SLC25A53: variants seen among roughly 807,000 people sequenced by gnomAD.
The protein encoded by SLC25A53 is solute carrier family 25 member 53, also known as mitochondrial carrier triple repeat protein 6.
A neutral mutation model predicts 15.0 loss-of-function variants in SLC25A53; 5 were observed. The ratio of observed to expected loss-of-function variants is 0.33; its 90% CI spans 0.17 to 0.70. The LOEUF (loss-of-function observed/expected upper bound fraction) is 0.70. Ranked by LOEUF, SLC25A53 falls within the 30% of genes least tolerant of loss-of-function variation. The pLI, the probability that SLC25A53 is intolerant of heterozygous loss-of-function variation, is 0.67. For missense variants in SLC25A53, 216 were observed against 241.6 expected (o/e 0.89, Z 0.70); for synonymous variants, 95 against 100.0 (o/e 0.95, Z 0.30).
chrX:104,104,034 T>C lies in SLC25A53; in HGVS notation c.*300A>G, dbSNP rs2075293265. Reference sequence around the variant, plus strand: ...GTCATCTTTTTAAGTTTCTGTTTATTGCCAAGGAATTCCTTAAAGGAATGA... The same window carrying C: ...GTCATCTTTTTAAGTTTCTGTTTATCGCCAAGGAATTCCTTAAAGGAATGA... On this transcript the variant is annotated 3_prime_UTR_variant, in exon 2 of 2. Transcript: ENST00000594199. 1 of 254,521 alleles carries C rather than the reference T, an allele frequency of 3.9e-6. No individual in the cohort carries two copies. The highest frequency in any genetic ancestry group is 1.1e-4 in the South Asian group (1 of 8,822). 21.0% of individuals were successfully genotyped at this position (254,521 alleles called of 1,213,427 possible).
intron 1 of SLC25A53, among the ~76,000 whole-genome samples, chrX:104,153,331 T>C (rs782233261): frequency 2.7e-5 from 3 of 110,195 alleles, no homozygotes; most frequent in African/African-American, 9.9e-5. Flanking sequence ...TTACCGCAAC[T>C]GATCTGCAAT....
intron 1 of SLC25A53, among the ~76,000 whole-genome samples, chrX:104,123,006 T>C (rs1198063745): frequency 9.0e-6 from 1 of 111,512 alleles, no homozygotes; most frequent in Non-Finnish European, 1.9e-5. Context: ...CCTCACAGGG[T>C]TGTGGTAAGA....
At chrX:104,136,469 G>A (rs782391315) in intron 1 of SLC25A53, among the ~76,000 whole-genome samples, 6 of 111,907 alleles carry the variant, frequency 5.4e-5, no homozygotes, top group Non-Finnish European at 1.1e-4. Context: ...AAGACCATCA[G>A]AACAAAGGGA....
At chrX:104,128,337 A>T (rs1412018988) in intron 1 of SLC25A53, among the ~76,000 whole-genome samples, 1 of 112,161 alleles carries the variant, frequency 8.9e-6, no homozygotes, top group Admixed American at 9.5e-5. Flanking sequence ...AAACTGAAAA[A>T]TTTTAAAATT....
chrX:104,105,131 A>G lies in SLC25A53; in HGVS notation c.127T>C (p.Phe43Leu). 9.1e-6 allele frequency: 11 copies of G among 1,212,027 alleles called. No homozygotes were observed. The highest frequency in any genetic ancestry group is 1.7e-5 in the African/African-American group (1 of 57,826). ...ACCTTATAGATAGGAAAGGTCAGAA[A>G]AGTAGACATAAAGTTGGAAACGGCC... ...LGAVSNFMSTFLTFPIYKVVF... is the reference protein window; with the variant it reads ...LGAVSNFMSTLLTFPIYKVVF... The change falls in exon 2 of 2, where the codon TTT becomes CTT. Residue 43 changes from phenylalanine (F) to leucine (L), a missense_variant. Phe to Leu is a conservative substitution (Grantham distance 22, BLOSUM62 0). Coordinates refer to ENST00000594199, the MANE Select transcript of SLC25A53 (RefSeq NM_001012755.5).
intron 1 of SLC25A53, among the ~76,000 whole-genome samples, chrX:104,145,804 G>A (rs1360649009): frequency 2.7e-5 from 3 of 112,019 alleles, no homozygotes; most frequent in Non-Finnish European, 5.6e-5. Flanking sequence ...TTCTGAAATT[G>A]AGGCAGTAAT....
At chrX:104,116,387 G>C (rs2075377088) in intron 1 of SLC25A53, among the ~76,000 whole-genome samples, 1 of 111,298 alleles carries the variant, frequency 9.0e-6, no homozygotes, top group African/African-American at 3.3e-5. Flanking sequence ...CTGAGGACCT[G>C]AGGGAGTTTG....
At chrX:104,139,117 T>A (rs1472635056) in intron 1 of SLC25A53, among the ~76,000 whole-genome samples, 1 of 113,024 alleles carries the variant, frequency 8.8e-6, no homozygotes, top group Non-Finnish European at 1.9e-5. Context: ...AAAGGGATCA[T>A]GCTCTTCCCT....
intron 1 of SLC25A53, among the ~76,000 whole-genome samples, chrX:104,154,537 T>C (rs1350807129): frequency 2.7e-5 from 3 of 112,600 alleles, no homozygotes; most frequent in African/African-American, 6.5e-5. Context: ...TACTCTTATG[T>C]TCATTGCAGG....
At chrX:104,153,534 G>T (rs782708659) in intron 1 of SLC25A53, among the ~76,000 whole-genome samples, 1 of 111,583 alleles carries the variant, frequency 9.0e-6, no homozygotes, top group Non-Finnish European at 1.9e-5. Flanking sequence ...ACTAATCTTT[G>T]TCTGTCAATT....
At chrX:104,140,110 A>G (rs2075447180) in intron 1 of SLC25A53, among the ~76,000 whole-genome samples, 2 of 111,704 alleles carry the variant, frequency 1.8e-5, no homozygotes, top group Admixed American at 1.9e-4. Context: ...TATGATATAC[A>G]GCCTCCCCTC....
At chrX:104,120,249 C>T (rs2075389346) in intron 1 of SLC25A53, among the ~76,000 whole-genome samples, 1 of 111,454 alleles carries the variant, frequency 9.0e-6, no homozygotes, top group Non-Finnish European at 1.9e-5. Flanking sequence ...ATTGCTGGCT[C>T]ATAGATTGTG....
At chrX:104,112,359 A>G (rs2075350391) in intron 1 of SLC25A53, among the ~76,000 whole-genome samples, 1 of 113,342 alleles carries the variant, frequency 8.8e-6, no homozygotes, top group Non-Finnish European at 1.9e-5. Context: ...CGAGCTGCTG[A>G]CGCCGTGCCG....
chrX:104,156,330 T>C (rs1239846934), intron 1 of SLC25A53, among the ~76,000 whole-genome samples: 1 of 111,505 alleles, frequency 9.0e-6, no homozygotes, highest in African/African-American at 3.3e-5. Context: ...TGTATTGTAA[T>C]AGCCTGTCTC....
At chrX:104,138,396 G>C (rs1556366919) in intron 1 of SLC25A53, among the ~76,000 whole-genome samples, 2 of 112,612 alleles carry the variant, frequency 1.8e-5, no homozygotes, top group Admixed American at 1.9e-4. Flanking sequence ...GCAATGGGGG[G>C]TGTAGCTCAC....
chrX:104,114,067 A>G (rs1556360161), intron 1 of SLC25A53: 1 of 1,209,681 alleles, frequency 8.3e-7, no homozygotes, highest in South Asian at 1.8e-5. Context: ...TTTTCCAAAA[A>G]GCGCGAGCAT....
At chrX:104,134,156 T>C (rs1556365971) in intron 1 of SLC25A53, among the ~76,000 whole-genome samples, 1 of 111,448 alleles carries the variant, frequency 9.0e-6, no homozygotes. Flanking sequence ...AACTGTCAAA[T>C]GATAAAGGTC....
intron 1 of SLC25A53, among the ~76,000 whole-genome samples, chrX:104,111,253 G>T (rs781941169): frequency 1.1e-4 from 12 of 111,831 alleles, no homozygotes; most frequent in Non-Finnish European, 2.3e-4. Context: ...CAGGGGTAAG[G>T]CCCAATAATC....
intron 1 of SLC25A53, chrX:104,113,862 C>A (rs782156968): frequency 5.4e-5 from 21 of 388,897 alleles, no homozygotes; most frequent in Non-Finnish European, 9.1e-5. Flanking sequence ...CAGTCTCCTG[C>A]AGGGTATTGT....
Sources: gnomAD v4.1 joint callset for allele counts (sites outside exome capture counted in the v4.1 genomes callset) on GRCh38, gnomAD v4.1.1 for gene constraint, MANE v1.5 for transcripts, NCBI Gene and HGNC (gene_info 2026-07-23, HGNC 2026-07-21) for gene names.